MAP3K15: variants seen among roughly 807,000 people sequenced by gnomAD.
MAP3K15 encodes the protein MAPK/ERK kinase kinase 15.
MAP3K15 carries 124 observed loss-of-function variants against 99.5 expected under a neutral mutation model. That is an observed-to-expected ratio of 1.25 (90% CI 1.08 to 1.45). The LOEUF is 1.45. Among genes scored for constraint, MAP3K15 ranks in the 40% most tolerant of loss-of-function variants. The pLI is 0.00. For missense variants in MAP3K15, 1,242 were observed against 1,079.7 expected, an observed-to-expected ratio of 1.15 and a Z score of -2.11; for synonymous variants, 494 against 439.6, an observed-to-expected ratio of 1.12 and a Z score of -1.55.
chrX:19,380,099 C>T (rs1320635367), intron 19 of MAP3K15, 21 bp downstream of exon 19: 1 of 1,164,437 alleles, frequency 8.6e-7, no homozygotes, highest in Non-Finnish European at 1.1e-6. Context: ...CGCCCAACCT[C>T]AATCACGAAG....
At chrX:19,461,259 G>A (rs781666770) in intron 4 of MAP3K15, among the ~76,000 whole-genome samples, 22 of 112,190 alleles carry the variant, frequency 2.0e-4, no homozygotes, top group African/African-American at 5.8e-4. Context: ...GATTACAGGC[G>A]TGAGCCACTG....
intron 7 of MAP3K15, among the ~76,000 whole-genome samples, chrX:19,426,633 G>A (rs2063832128): frequency 2.8e-5 from 3 of 108,929 alleles, no homozygotes; most frequent in South Asian, 4.0e-4. Flanking sequence ...TGGCCAAAAC[G>A]GTGAAACCCC....
chrX:19,446,778 T>C (rs2064001177), intron 6 of MAP3K15, among the ~76,000 whole-genome samples: 2 of 111,529 alleles, frequency 1.8e-5, no homozygotes, highest in South Asian at 3.8e-4. Flanking sequence ...GGTGAACTTG[T>C]AATCTGGCAC....
chrX:19,446,191 G>T (rs888513230), intron 6 of MAP3K15, among the ~76,000 whole-genome samples: 2 of 111,794 alleles, frequency 1.8e-5, no homozygotes, highest in Non-Finnish European at 3.8e-5. Flanking sequence ...AAGTGAGAAA[G>T]CACACAGAGT....
rs1180787909 is a variant in MAP3K15 at position 19,425,565 on chromosome X, C to T, written c.1405G>A (p.Ala469Thr). ...GGTTTCAGTTTGAACAACCTCTCTG[C>T]TGCCTGGACGGCTTTCCCGACATCA... is the stretch of plus-strand genomic sequence containing the variant. The part of the protein sequence containing the change: ...AHDVGKAVQA[A>T]ERLFKLKPPV... The change falls in exon 9 of 29, where the codon GCA (alanine) becomes ACA (threonine). Residue 469 changes from alanine (A) to threonine (T), a missense_variant. Transcript: ENST00000338883. 1 of 1,197,109 alleles carries T rather than the reference C, an allele frequency of 8.4e-7. No homozygotes were observed. The highest frequency in any genetic ancestry group is 1.7e-5 in the African/African-American group (1 of 57,259).
At chrX:19,481,115 C>CAAAAAAAA (rs60578003) in intron 3 of MAP3K15, among the ~76,000 whole-genome samples, 1,047 of 55,215 alleles carry the variant, frequency 0.019, 130 homozygotes, top group African/African-American at 0.1. Flanking sequence ...GAACTTGTCT[C>CAAAAAAAA]AAAAAAAAAA....
chrX:19,433,220 C>T (rs1329049817), intron 6 of MAP3K15, among the ~76,000 whole-genome samples: 4 of 111,069 alleles, frequency 3.6e-5, no homozygotes, highest in East Asian at 5.6e-4. Context: ...GTCAGCTTGA[C>T]TGGGCTAAGG....
intron 12 of MAP3K15, among the ~76,000 whole-genome samples, chrX:19,407,916 G>A (rs1225009795): frequency 8.9e-6 from 1 of 111,886 alleles, no homozygotes; most frequent in Non-Finnish European, 1.9e-5. Context: ...TGGAGAGGAA[G>A]GCTAGATTCT....
chrX:19,435,731 A>C (rs770129919), intron 6 of MAP3K15, among the ~76,000 whole-genome samples: 17 of 112,561 alleles, frequency 1.5e-4, no homozygotes, highest in Non-Finnish European at 2.6e-4. Context: ...AAGGTATCCA[A>C]GAACAAGCCT....
At chrX:19,367,484 T>TA in intron 25 of MAP3K15, among the ~76,000 whole-genome samples, 1 of 87,943 alleles carries the variant, frequency 1.1e-5, no homozygotes, top group African/African-American at 8.8e-5. Context: ...AAAAAAAACT[T>TA]TCAAAATGTT....
At chrX:19,449,849 T>C (rs775791253) in intron 6 of MAP3K15, among the ~76,000 whole-genome samples, 2 of 109,290 alleles carry the variant, frequency 1.8e-5, no homozygotes, top group African/African-American at 3.3e-5. Flanking sequence ...GCCAAAGGTA[T>C]GTTATTTTAA....
At chrX:19,389,502 G>C (rs1027044206) in intron 18 of MAP3K15, among the ~76,000 whole-genome samples, 6 of 111,150 alleles carry the variant, frequency 5.4e-5, no homozygotes, top group Non-Finnish European at 3.8e-5. Flanking sequence ...CCAACCAGCT[G>C]AGATTTCCTT....
At chrX:19,421,921 C>A (rs781610034) in intron 9 of MAP3K15, among the ~76,000 whole-genome samples, 140 of 109,909 alleles carry the variant, frequency 1.3e-3, no homozygotes, top group African/African-American at 4.6e-3. Context: ...CAAAAACAAG[C>A]AATGGGGAAA....
intron 1 of MAP3K15, among the ~76,000 whole-genome samples, chrX:19,504,509 C>T (rs1427282643): frequency 9.0e-6 from 1 of 111,508 alleles, no homozygotes; most frequent in Non-Finnish European, 1.9e-5. Flanking sequence ...GAGATACCAC[C>T]ACAGAGGGAG....
chrX:19,376,960 A>C (rs2063422808), intron 19 of MAP3K15: 1 of 111,461 alleles, frequency 9.0e-6, no homozygotes, highest in Non-Finnish European at 1.9e-5. Flanking sequence ...TCCAGAACCC[A>C]TTTTCATTTG....
At chrX:19,491,821 C>G (rs2064370680) in intron 1 of MAP3K15, among the ~76,000 whole-genome samples, 1 of 110,179 alleles carries the variant, frequency 9.1e-6, no homozygotes, top group African/African-American at 3.3e-5. Flanking sequence ...GTAGCTGGGA[C>G]TACAGGCATG....
intron 6 of MAP3K15, among the ~76,000 whole-genome samples, chrX:19,436,885 C>G (rs1180445424): frequency 9.0e-6 from 1 of 111,513 alleles, no homozygotes; most frequent in Non-Finnish European, 1.9e-5. Context: ...GCCATGATGA[C>G]CAGGGTGGTC....
intron 1 of MAP3K15, among the ~76,000 whole-genome samples, chrX:19,498,833 G>GT (rs2064423564): frequency 8.9e-6 from 1 of 112,050 alleles, no homozygotes; most frequent in African/African-American, 3.2e-5. Context: ...CCGAAACAAA[G>GT]TTTTTGGAAG....
intron 25 of MAP3K15, among the ~76,000 whole-genome samples, chrX:19,363,678 A>G (rs1379117013): frequency 9.6e-6 from 1 of 104,483 alleles, no homozygotes; most frequent in African/African-American, 3.6e-5. Flanking sequence ...TTGGAGACAG[A>G]GTCTCACTCT....
Sources: allele counts gnomAD v4.1 joint callset (sites outside exome capture counted in the v4.1 genomes callset), GRCh38; gene constraint gnomAD v4.1.1; transcripts MANE v1.5; gene names NCBI Gene and HGNC (gene_info 2026-07-23, HGNC 2026-07-21).